CSMD2: variants seen among roughly 807,000 people sequenced by gnomAD.
CSMD2 encodes CUB and Sushi multiple domains 2.
In CSMD2, 130 loss-of-function variants were observed where a neutral mutation model predicts 398.5. That is an observed-to-expected ratio of 0.33 (90% confidence interval 0.28 to 0.38). CSMD2 has a LOEUF of 0.38. Ranked by LOEUF, CSMD2 falls within the 10% of genes least tolerant of loss-of-function variation. CSMD2 has a pLI of 1.00. For missense variants in CSMD2, 3,829 were observed against 4,764.9 expected (o/e 0.80, Z 5.78); for synonymous variants, 1,828 against 1,908.5 (o/e 0.96, Z 1.10).
rs376182547 is a variant in CSMD2 at position 34,054,165 on chromosome 1, C to G, written c.405-21459G>C. ...AGCTGTAGACTTTATCTGGATTTTG[C>G]CTGTTTTTCCACAAATGTCCTTCTT... On this transcript the variant is annotated intron_variant, in intron 2 of 70. Transcript: ENST00000373381. 4.0e-5 allele frequency among the ~76,000 whole-genome samples: 6 copies of G among 151,618 alleles called. No individual in the cohort carries two copies. In the East Asian group the frequency reaches 1.2e-3, roughly 30 times the overall value.
intron 4 of CSMD2, among the ~76,000 whole-genome samples, chr1:33,920,116 A>G (rs1257776692): frequency 6.6e-6 from 1 of 152,134 alleles, no homozygotes; most frequent in Non-Finnish European, 1.5e-5. Context: ...TTGAGCCAAG[A>G]CTTGAAGGAA....
chr1:33,864,037 C>T, intron 5 of CSMD2: 1 of 670,326 alleles, frequency 1.5e-6, no homozygotes, highest in Non-Finnish European at 2.5e-6. Context: ...CTCAACAATG[C>T]CATCAGCACT....
At chr1:33,942,526 C>G (rs1644709723) in intron 3 of CSMD2, among the ~76,000 whole-genome samples, 1 of 152,258 alleles carries the variant, frequency 6.6e-6, no homozygotes, top group African/African-American at 2.4e-5. Flanking sequence ...TAACCATTGT[C>G]AGGCAGAAGC....
chr1:33,551,376 C>T (rs1657427894), intron 55 of CSMD2, among the ~76,000 whole-genome samples: 1 of 152,190 alleles, frequency 6.6e-6, no homozygotes, highest in Non-Finnish European at 1.5e-5. Flanking sequence ...ATACTGGCTA[C>T]TGTGTAGAGA....
chr1:34,076,929 ATATAT>A (rs148794647), intron 2 of CSMD2, among the ~76,000 whole-genome samples: 13 of 47,332 alleles, frequency 2.7e-4, no homozygotes, highest in South Asian at 1.0e-3. Context: ...AAAAAAAAAA[ATATAT>A]ATATATATAT....
At chr1:33,680,918 C>CTTTTTTTTTTTTTTTT (rs66489770) in intron 25 of CSMD2, among the ~76,000 whole-genome samples, 8 of 75,932 alleles carry the variant, frequency 1.1e-4, no homozygotes, top group Admixed American at 2.3e-4. Flanking sequence ...CTGTTTTATG[C>CTTTTTTTTTTTTTTTT]TTTTTTTTTT....
intron 5 of CSMD2, among the ~76,000 whole-genome samples, chr1:33,855,959 C>T (rs979235791): frequency 2.0e-5 from 3 of 152,216 alleles, no homozygotes; most frequent in Admixed American, 6.5e-5. Context: ...GCCTTCGGAA[C>T]CAGACAGTGC....
intron 3 of CSMD2, among the ~76,000 whole-genome samples, chr1:33,980,332 G>T (rs1646121953): frequency 6.6e-6 from 1 of 152,178 alleles, no homozygotes; most frequent in Non-Finnish European, 1.5e-5. Flanking sequence ...AGGAAGGGTA[G>T]CTGTCAGTGC....
intron 55 of CSMD2, 84 bp downstream of exon 55, chr1:33,557,650 A>G: frequency 8.5e-7 from 1 of 1,172,856 alleles, no homozygotes. Context: ...ACACACACAC[A>G]CACACACACA....
chr1:33,760,360 T>C lies in CSMD2; in HGVS notation c.1846+12209A>G, dbSNP rs544405164. Among the ~76,000 whole-genome samples, 9 of 152,322 alleles carry C rather than the reference T, an allele frequency of 5.9e-5. No homozygotes were observed. The South Asian group carries it at 1.9e-3, about 32-fold the overall frequency. On this transcript the variant is annotated intron_variant, in intron 13 of 70. Transcript: ENST00000373381. ...CCCCAGCTCACAGGAAAGATTCTGA[T>C]ACCTTATGGAACAAAGCACAAAAAA... is the stretch of plus-strand genomic sequence containing the variant.
chr1:33,562,120 T>TCAGATATCC (rs369954631), intron 53 of CSMD2, among the ~76,000 whole-genome samples: 1,687 of 152,280 alleles, frequency 0.011, 42 homozygotes, highest in African/African-American at 0.038. Context: ...TCAAGAATTG[T>TCAGATATCC]CAGATATCCC....
intron 3 of CSMD2, among the ~76,000 whole-genome samples, chr1:34,000,639 T>C (rs1372881431): frequency 2.6e-5 from 4 of 152,046 alleles, no homozygotes; most frequent in Admixed American, 6.6e-5. Flanking sequence ...AGAAGTGTCA[T>C]AGAAATTACA....
intron 4 of CSMD2, among the ~76,000 whole-genome samples, chr1:33,924,172 C>T (rs1044437140): frequency 6.6e-6 from 1 of 151,988 alleles, no homozygotes; most frequent in African/African-American, 2.4e-5. Flanking sequence ...TCCAGTTCCA[C>T]CCATGTTCCT....
chr1:33,851,139 C>T (rs11587439), intron 5 of CSMD2, among the ~76,000 whole-genome samples: 125,481 of 152,090 alleles, frequency 0.83, 52,357 homozygotes, highest in African/African-American at 0.95. Context: ...CATTCATTCA[C>T]GCAATCACCA....
chr1:33,592,562 T>C (rs1570861622), intron 44 of CSMD2: 1 of 715,434 alleles, frequency 1.4e-6, no homozygotes, highest in African/African-American at 1.7e-5. Flanking sequence ...TAGCTAATCA[T>C]ATTGTGTTAA....
intron 3 of CSMD2, among the ~76,000 whole-genome samples, chr1:33,960,555 T>C (rs1645321615): frequency 1.3e-5 from 2 of 152,118 alleles, no homozygotes; most frequent in South Asian, 2.1e-4. Flanking sequence ...GCTCATGGTG[T>C]TGTGGGGGAG....
chr1:33,521,246 T>G (rs1456455956), intron 68 of CSMD2, among the ~76,000 whole-genome samples: 1 of 152,088 alleles, frequency 6.6e-6, no homozygotes, highest in Non-Finnish European at 1.5e-5. Flanking sequence ...ACAGGAAACT[T>G]TGTCAAAGGT....
intron 5 of CSMD2, among the ~76,000 whole-genome samples, chr1:33,880,202 T>C (rs1641137940): frequency 6.6e-6 from 1 of 152,162 alleles, no homozygotes; most frequent in Admixed American, 6.5e-5. Flanking sequence ...GCTGAATGAG[T>C]GTATGGCTCC....
chr1:33,826,581 C>T (rs1008646487), intron 6 of CSMD2, among the ~76,000 whole-genome samples: 4 of 152,202 alleles, frequency 2.6e-5, no homozygotes, highest in African/African-American at 4.8e-5. Flanking sequence ...TGGGGCCTGA[C>T]TCAAGTGGGT....
Sources: gnomAD v4.1 joint callset for allele counts (sites outside exome capture counted in the v4.1 genomes callset) on GRCh38, gnomAD v4.1.1 for gene constraint, MANE v1.5 for transcripts, NCBI Gene and HGNC (gene_info 2026-07-23, HGNC 2026-07-21) for gene names.